Variants in IL1RAPL1 observed in about 807,000 individuals in gnomAD.
IL1RAPL1 encodes the protein interleukin-1 receptor accessory protein-like 1.
A neutral mutation model predicts 48.4 loss-of-function variants in IL1RAPL1; 3 were observed. The observed-to-expected ratio is 0.06, with a 90% CI of 0.03 to 0.16. The LOEUF is 0.16. IL1RAPL1 is among the 10% of genes least tolerant of loss of function. The probability of loss-of-function intolerance (pLI) is 1.00; values close to 1 mark genes in which losing one functional copy is unlikely to be tolerated. For synonymous variants in IL1RAPL1, 185 were observed against 187.7 expected, an observed-to-expected ratio of 0.99 and a Z score of 0.12; for missense variants, 349 against 530.6, an observed-to-expected ratio of 0.66 and a Z score of 3.36.
At chrX:29,153,382 G>T (rs901647245) in intron 2 of IL1RAPL1, among the ~76,000 whole-genome samples, 13 of 111,400 alleles carry the variant, frequency 1.2e-4, no homozygotes, top group African/African-American at 4.2e-4. Flanking sequence ...TCTTTGGGAG[G>T]CCATTATTCT....
chrX:29,613,712 C>CGT (rs753582133), intron 5 of IL1RAPL1, among the ~76,000 whole-genome samples: 10,805 of 58,689 alleles, frequency 0.18, 1,048 homozygotes, highest in Admixed American at 0.26. Context: ...GGGTTTTTTT[C>CGT]GTGTGTGTGT....
intron 2 of IL1RAPL1, among the ~76,000 whole-genome samples, chrX:28,878,673 A>G (rs1922433083): frequency 8.9e-6 from 1 of 111,868 alleles, no homozygotes; most frequent in Non-Finnish European, 1.9e-5. Context: ...TATCTAAGTC[A>G]TACAGGAAAG....
chrX:29,574,624 T>C (rs1222967338), intron 5 of IL1RAPL1, among the ~76,000 whole-genome samples: 10 of 111,547 alleles, frequency 9.0e-5, no homozygotes, highest in East Asian at 2.8e-4. Context: ...TCTTTACTTA[T>C]GCAAATCTCT....
chrX:29,326,596 G>A (rs2147629929), intron 3 of IL1RAPL1, among the ~76,000 whole-genome samples: 1 of 112,285 alleles, frequency 8.9e-6, no homozygotes, highest in South Asian at 3.7e-4. Flanking sequence ...ATTAAATGAA[G>A]AGCTGAAAAA....
intron 2 of IL1RAPL1, among the ~76,000 whole-genome samples, chrX:28,907,862 G>C (rs944956173): frequency 9.0e-6 from 1 of 111,604 alleles, no homozygotes; most frequent in Non-Finnish European, 1.9e-5. Context: ...GAAATAATCA[G>C]GTCCTTGTTC....
intron 1 of IL1RAPL1, among the ~76,000 whole-genome samples, chrX:28,788,407 T>A (rs1403732170): frequency 2.7e-5 from 3 of 111,885 alleles, no homozygotes; most frequent in Non-Finnish European, 5.6e-5. Context: ...CCTTCTTATA[T>A]TCCTCTGCAA....
At chrX:29,137,272 A>G (rs867812475) in intron 2 of IL1RAPL1, among the ~76,000 whole-genome samples, 2 of 101,888 alleles carry the variant, frequency 2.0e-5, no homozygotes, top group African/African-American at 7.4e-5. Context: ...ACACACACAC[A>G]CACACACACA....
At chrX:29,379,499 C>T (rs896927998) in intron 3 of IL1RAPL1, among the ~76,000 whole-genome samples, 4 of 111,830 alleles carry the variant, frequency 3.6e-5, no homozygotes, top group South Asian at 3.8e-4. Flanking sequence ...CCAGCTGAAG[C>T]GTTGTCTCTA....
intron 5 of IL1RAPL1, among the ~76,000 whole-genome samples, chrX:29,441,119 C>T (rs979623177): frequency 1.8e-5 from 2 of 110,391 alleles, no homozygotes; most frequent in African/African-American, 6.6e-5. Context: ...CTTCACTGGC[C>T]TCTCTTTCAA....
intron 1 of IL1RAPL1, among the ~76,000 whole-genome samples, chrX:28,727,435 C>T (rs946774274): frequency 3.9e-5 from 4 of 102,086 alleles, no homozygotes; most frequent in African/African-American, 1.5e-4. Flanking sequence ...AGATTTTGGG[C>T]TGAGACAATG....
At chrX:29,726,170 C>T (rs1186334915) in intron 6 of IL1RAPL1, among the ~76,000 whole-genome samples, 5 of 112,101 alleles carry the variant, frequency 4.5e-5, no homozygotes, top group Non-Finnish European at 9.4e-5. Flanking sequence ...CATTGAGGGA[C>T]ATTTTAGGTT....
At chrX:29,397,320 C>G (rs933079207) in intron 4 of IL1RAPL1, among the ~76,000 whole-genome samples, 96 of 112,148 alleles carry the variant, frequency 8.6e-4, no homozygotes, top group African/African-American at 2.9e-3. Context: ...TCATGACAGA[C>G]TGAAGATGAA....
chrX:29,926,456 C>CT (rs1430880551), intron 8 of IL1RAPL1, among the ~76,000 whole-genome samples: 2 of 111,748 alleles, frequency 1.8e-5, no homozygotes, highest in Non-Finnish European at 3.8e-5. Context: ...ACTGGAAGTC[C>CT]TTTTTTGCTT....
At chrX:29,527,676 A>T (rs1279624446) in intron 5 of IL1RAPL1, among the ~76,000 whole-genome samples, 1 of 111,336 alleles carries the variant, frequency 9.0e-6, no homozygotes, top group Non-Finnish European at 1.9e-5. Flanking sequence ...AAATAAAAAG[A>T]TTAATACATT....
intron 2 of IL1RAPL1, among the ~76,000 whole-genome samples, chrX:29,104,048 T>C (rs1252162396): frequency 8.9e-6 from 1 of 111,790 alleles, no homozygotes; most frequent in African/African-American, 3.3e-5. Flanking sequence ...ACAACCACTA[T>C]GGAGAATAGT....
chrX:28,645,582 A>G (rs1934600180), intron 1 of IL1RAPL1, among the ~76,000 whole-genome samples: 1 of 110,327 alleles, frequency 9.1e-6, no homozygotes. Context: ...AAAGTGACAT[A>G]ATAATGAAAA....
chrX:28,843,750 T>C lies in IL1RAPL1; in HGVS notation c.82+54325T>C, dbSNP rs1425468555. On this transcript the variant is annotated intron_variant, in intron 2 of 10. Coordinates refer to ENST00000378993, the MANE Select transcript of IL1RAPL1 (RefSeq NM_014271.4). Reference sequence around the variant, plus strand: ...TTTATGTAGTTTATTTTTTATATCTTGATTTGTGAAGAAACAAAAACCTTA... The same window carrying C: ...TTTATGTAGTTTATTTTTTATATCTCGATTTGTGAAGAAACAAAAACCTTA... Among the ~76,000 whole-genome samples, 4 of 111,773 alleles carry C rather than the reference T, an allele frequency of 3.6e-5. No homozygotes were observed. In the East Asian group the frequency reaches 8.5e-4, roughly 24 times the overall value.
chrX:28,640,134 G>T (rs16997952), intron 1 of IL1RAPL1, among the ~76,000 whole-genome samples: 8,477 of 111,179 alleles, frequency 0.076, 276 homozygotes, highest in African/African-American at 0.13. Flanking sequence ...TTTAGTAAGT[G>T]AACAGTGCCC....
chrX:28,814,363 GTGTGTGTGTGTGTGTGTATGTGTA>G (rs1936833149), intron 2 of IL1RAPL1, among the ~76,000 whole-genome samples: 1 of 108,087 alleles, frequency 9.3e-6, no homozygotes, highest in Admixed American at 1.0e-4. Flanking sequence ...GTGTGTGTGT[GTGTGTGTGTGTGTGTGTATGTGTA>G]TGTGTGTGTG....
Sources: gnomAD v4.1 joint callset for allele counts (sites outside exome capture counted in the v4.1 genomes callset) on GRCh38, gnomAD v4.1.1 for gene constraint, MANE v1.5 for transcripts, NCBI Gene and HGNC (gene_info 2026-07-23, HGNC 2026-07-21) for gene names.